Variants in ATP13A2 observed in about 807,000 individuals in gnomAD.
ATP13A2 encodes polyamine-transporting ATPase 13A2.
A neutral mutation model predicts 138.3 loss-of-function variants in ATP13A2; 83 were observed. The observed-to-expected ratio is 0.60, with a 90% CI of 0.50 to 0.72. ATP13A2 has a LOEUF of 0.72. Among genes scored for constraint, ATP13A2 ranks in the 30% least tolerant of loss-of-function variants. ATP13A2 has a pLI of 0.00. For missense variants in ATP13A2, 1,402 were observed against 1,606.4 expected (o/e 0.87, Z 2.17); for synonymous variants, 663 against 699.0 (o/e 0.95, Z 0.81).
In ATP13A2 at chr1:16,989,961, G is replaced by A. The variant is rs866035312; in HGVS notation, c.2455C>T (p.Arg819Ter). The A allele has an allele frequency of 5.6e-6, 9 of 1,607,028 alleles. No individual in the cohort carries two copies. The highest frequency in any genetic ancestry group is 1.1e-5 in the South Asian group (1 of 90,260). ...CCGCTGAGGGCCAGGTGCCTGGATCGGGGGTCTGGCTCCACGGTGTAGCTT... is the reference window on the plus strand; with the variant it reads ...CCGCTGAGGGCCAGGTGCCTGGATCAGGGGTCTGGCTCCACGGTGTAGCTT... ...AASYTVEPDP[R>*]SRHLALSGPT... Residue 819 changes from arginine to a stop codon, truncating the protein, a stop_gained, in exon 22 of 29, where the codon CGA (arginine) becomes TGA (stop). Transcript: ENST00000326735. LOFTEE classifies it high-confidence loss of function.
rs561585780 is a variant in ATP13A2, at chr1:17,004,025, T to C, written c.557+307A>G. Among the ~76,000 whole-genome samples the C allele has an allele frequency of 1.2e-3, 188 of 152,244 alleles. 1 individual carries two copies. Among genetic ancestry groups the C allele is most frequent in the Non-Finnish European group, 2.4e-3 (162 of 68,020 alleles). ...CAGTGACTAAACCCCAAGCAGACAG[T>C]CTGAGTACAGAGCTGATAGTCTGAT... On this transcript the variant is annotated intron_variant, in intron 6 of 28. Transcript: ENST00000326735. The surrounding 1 kb of genome is among the most constrained non-coding windows in gnomAD (Gnocchi z 4.1).
At chr1:17,007,580 C>T (rs1426365583) in intron 1 of ATP13A2, among the ~76,000 whole-genome samples, 4 of 129,494 alleles carry the variant, frequency 3.1e-5, no homozygotes, top group African/African-American at 1.2e-4. Flanking sequence ...GAGAGCGAGT[C>T]TCGCTCTGTC....
At position 17,011,893 on chromosome 1, in the gene ATP13A2, C is replaced by T. The variant is rs2077815281; in HGVS notation, c.-155G>A. 2 of 611,594 alleles carry T rather than the reference C, an allele frequency of 3.3e-6. No individual in the cohort carries two copies. The highest frequency in any genetic ancestry group is 4.1e-6 in the Non-Finnish European group (2 of 483,182). 37.9% of individuals were successfully genotyped at this position (611,594 alleles called of 1,614,324 possible). Reference sequence around the variant, plus strand: ...TGGAGCAGGGCTGACGCGGGCGGGGCACCTGGGCCACCAGGCTCGGCGCGG... The same window carrying T: ...TGGAGCAGGGCTGACGCGGGCGGGGTACCTGGGCCACCAGGCTCGGCGCGG... On this transcript the variant is annotated 5_prime_UTR_variant, in exon 1 of 29. Coordinates refer to ENST00000326735, the MANE Select transcript of ATP13A2 (RefSeq NM_022089.4). This position sits in a 1 kb window ranked among gnomAD's most constrained non-coding sequence, Gnocchi z 7.3.
rs757851198 is a variant in ATP13A2 at position 16,986,794 on chromosome 1, C to G, written c.3235+11G>C. On this transcript the variant is annotated intron_variant, in intron 27 of 28. Coordinates refer to ENST00000326735, the MANE Select transcript of ATP13A2 (RefSeq NM_022089.4). The surrounding 1 kb of genome is among the most constrained non-coding windows in gnomAD (Gnocchi z 6.9). ...TCCGCCAGCATCTCCCGCCCGCGCC[C>G]GCAGTGGCACCATTGGTGTAGAGCG... The G allele has an allele frequency of 3.7e-6, 6 of 1,611,768 alleles. No individual in the cohort carries two copies. Among genetic ancestry groups the G allele is most frequent in the African/African-American group, 2.7e-5 (2 of 75,028 alleles).
intron 15 of ATP13A2, among the ~76,000 whole-genome samples, chr1:16,994,954 G>A (rs189667939): frequency 1.3e-5 from 2 of 152,126 alleles, no homozygotes; most frequent in Admixed American, 6.5e-5. Context: ...GAGCCACTGC[G>A]CTGGGCCCCC....
rs188473562 is a variant in ATP13A2 at position 16,986,986 on chromosome 1, C to A, written c.3084-30G>T. The A allele has an allele frequency of 3.1e-6, 5 of 1,609,776 alleles. No homozygotes were observed. The highest frequency in any genetic ancestry group is 2.7e-5 in the African/African-American group (2 of 73,802). ...GGGTACAGGGATGGGGGTCAGGGAA[C>A]GAACGTGGGGTGGACAGGGAAGGGG... is the stretch of plus-strand genomic sequence containing the variant. On this transcript the variant is annotated intron_variant, in intron 26 of 28. Coordinates refer to ENST00000326735, the MANE Select transcript of ATP13A2 (RefSeq NM_022089.4). This position sits in a 1 kb window ranked among gnomAD's most constrained non-coding sequence, Gnocchi z 6.9.
At chr1:16,994,013 G>C (rs567621544) in intron 15 of ATP13A2, among the ~76,000 whole-genome samples, 178 bp from the exon 16 acceptor site, 3 of 152,004 alleles carry the variant, frequency 2.0e-5, no homozygotes, top group African/African-American at 4.8e-5. Flanking sequence ...CTCTGCTGGG[G>C]TCCCCCTCCC....
intron 14 of ATP13A2, 31 bp from the exon 15 acceptor site, chr1:16,996,195 T>G (rs200796990): frequency 6.2e-7 from 1 of 1,614,162 alleles, no homozygotes; most frequent in South Asian, 1.1e-5. Context: ...TGTGAGCACC[T>G]GGCTGGTTGG....
At chr1:17,005,295 GT>G in intron 3 of ATP13A2, 78 bp downstream of exon 3, 6 of 1,542,566 alleles carry the variant, frequency 3.9e-6, no homozygotes, top group Non-Finnish European at 3.5e-6. Flanking sequence ...CAGTGGCCGG[GT>G]TGGCACCCAA....
chr1:16,999,828 G>A (rs934377211), intron 11 of ATP13A2, among the ~76,000 whole-genome samples, 183 bp downstream of exon 11: 2 of 152,166 alleles, frequency 1.3e-5, no homozygotes, highest in Non-Finnish European at 2.9e-5. Flanking sequence ...TTGAACCTGG[G>A]GGGTGGAGGC....
chr1:16,989,607 G>T (rs1304053856), intron 23 of ATP13A2, 84 bp downstream of exon 23: 1 of 1,386,898 alleles, frequency 7.2e-7, no homozygotes, highest in Non-Finnish European at 1.0e-6. Context: ...GGGAGACAGG[G>T]CCCTGGGGAA....
Position 16,996,307 on chromosome 1 carries a change from G to A in ATP13A2, c.1307-7C>T, listed in dbSNP as rs963680468. 2.5e-6 allele frequency: 4 copies of A among 1,614,050 alleles called. No homozygotes were observed. The highest frequency in any genetic ancestry group is 4.5e-5 in the East Asian group (2 of 44,888). Reference sequence around the variant, plus strand: ...TAGATGGTGCCGAGGAGAGCTGTGGGGACAGCGAAGGACTGAGTGGGATTT... The same window carrying A: ...TAGATGGTGCCGAGGAGAGCTGTGGAGACAGCGAAGGACTGAGTGGGATTT... On this transcript the variant is annotated splice_polypyrimidine_tract_variant and splice_region_variant and intron_variant, in intron 13 of 28. Transcript: ENST00000326735.
chr1:16,986,187 G>A lies in ATP13A2; in HGVS notation c.*34C>T, dbSNP rs2076710824. On this transcript the variant is annotated 3_prime_UTR_variant, in exon 29 of 29. Transcript: ENST00000326735. This position sits in a 1 kb window ranked among gnomAD's most constrained non-coding sequence, Gnocchi z 6.9. ...GTCCAGTTGGTGGCTCAGAGGCAGG[G>A]AGTTCCAGTGTCTGGGGTGCCCGTG... 4 of 1,612,624 alleles carry A rather than the reference G, an allele frequency of 2.5e-6. No homozygotes were observed. In the South Asian group the frequency reaches 3.3e-5, roughly 13 times the overall value.
At chr1:16,998,270 T>C (rs1467518158) in intron 11 of ATP13A2, among the ~76,000 whole-genome samples, 2 of 152,114 alleles carry the variant, frequency 1.3e-5, no homozygotes, top group Non-Finnish European at 2.9e-5. Flanking sequence ...AGTGGTGCGA[T>C]CTCGGCTCAC....
chr1:16,986,230 GGGGCCGGC>G lies in ATP13A2; in HGVS notation c.3526_3533del (p.Ala1176ProfsTer82). 6.2e-7 allele frequency: 1 copy of G among 1,611,968 alleles called. No individual in the cohort carries two copies. The highest frequency in any genetic ancestry group is 8.5e-7 in the Non-Finnish European group (1 of 1,179,390). Reference sequence around the variant, plus strand: ...TGCCCGTGGGCCTGCACTACCTCAGGGGGCCGGCGGGCAGCGGCGGCCAGGGCTGCTCG... The same window carrying G: ...TGCCCGTGGGCCTGCACTACCTCAGGGGGCAGCGGCGGCCAGGGCTGCTCG... On this transcript the variant is annotated frameshift_variant, in exon 29 of 29. Transcript: ENST00000326735. LOFTEE classifies it high-confidence loss of function. The surrounding 1 kb of genome is among the most constrained non-coding windows in gnomAD (Gnocchi z 6.9).
At chr1:17,005,131 T>G in intron 3 of ATP13A2, 59 bp from the exon 4 acceptor site, 1 of 1,606,380 alleles carries the variant, frequency 6.2e-7, no homozygotes, top group Non-Finnish European at 8.5e-7. Flanking sequence ...CCAGGCCCTG[T>G]CCTACAGCCA....
intron 8 of ATP13A2, chr1:17,000,752 G>T: frequency 1.6e-6 from 1 of 607,018 alleles, no homozygotes; most frequent in Non-Finnish European, 2.8e-6. Context: ...GACCAGCCTG[G>T]GCAACATGGC....
rs1557702165 is a variant in ATP13A2, at chr1:17,000,095, C to T, written c.955G>A (p.Val319Met). ...ATCAGCCCACCCTCCTGGGGCAGCA[C>T]CAGGCAGTCTCCGGGCACTAGCTCA... ...SSELVPGDCL[V>M]LPQEGGLMPC... The change falls in exon 11 of 29, where the codon GTG (valine) becomes ATG (methionine). Residue 319 changes from valine to methionine, a missense_variant. Val to Met is a conservative substitution (Grantham distance 21, BLOSUM62 1). Transcript: ENST00000326735. The T allele has an allele frequency of 6.2e-7, 1 of 1,613,548 alleles. No individual in the cohort carries two copies. Among genetic ancestry groups the T allele is most frequent in the South Asian group, 1.1e-5 (1 of 91,060 alleles).
chr1:16,999,879 C>A, intron 11 of ATP13A2, 132 bp downstream of exon 11: 1 of 1,285,420 alleles, frequency 7.8e-7, no homozygotes. Context: ...CCAGCCTGGA[C>A]AACAGAGTGA....
Sources: gnomAD v4.1 joint callset for allele counts (sites outside exome capture counted in the v4.1 genomes callset) on GRCh38, gnomAD v4.1.1 for gene constraint, Gnocchi (gnomAD v3.1) non-coding constraint, MANE v1.5 for transcripts, NCBI Gene and HGNC (gene_info 2026-07-23, HGNC 2026-07-21) for gene names.